Variants in MACF1 observed in about 807,000 individuals in gnomAD.
The protein encoded by MACF1 is microtubule actin crosslinking factor 1.
In MACF1, 193 loss-of-function variants were observed where a neutral mutation model predicts 854.8. The observed-to-expected ratio is 0.23, with a 90% CI of 0.20 to 0.25. The LOEUF is 0.25. Ranked by LOEUF, MACF1 falls within the 10% of genes least tolerant of loss-of-function variation. The pLI is 1.00. For missense variants in MACF1, 7,722 were observed against 8,929.1 expected, an observed-to-expected ratio of 0.86 and a Z score of 5.45; for synonymous variants, 3,185 against 3,226.7, an observed-to-expected ratio of 0.99 and a Z score of 0.44.
intron 74 of MACF1, 68 bp from the exon 75 acceptor site, chr1:39,441,884 G>C: frequency 8.7e-7 from 1 of 1,146,962 alleles, no homozygotes; most frequent in Non-Finnish European, 1.3e-6. Context: ...TATGTTAGCA[G>C]AGATAATGCT....
intron 2 of MACF1, among the ~76,000 whole-genome samples, chr1:39,186,766 C>T (rs1352234291): frequency 2.0e-5 from 3 of 151,080 alleles, no homozygotes; most frequent in Non-Finnish European, 4.4e-5. Context: ...TACCACTGCG[C>T]CTGGCTAATT....
At chr1:39,376,767 G>GT (rs1304629020) in intron 52 of MACF1, among the ~76,000 whole-genome samples, 2 of 151,982 alleles carry the variant, frequency 1.3e-5, no homozygotes, top group East Asian at 3.9e-4. Context: ...CCAGGCTGGA[G>GT]TACGGTAGTG....
At chr1:39,229,974 C>T (rs1001328087) in intron 1 of MACF1, among the ~76,000 whole-genome samples, 12 of 152,136 alleles carry the variant, frequency 7.9e-5, no homozygotes, top group Admixed American at 7.2e-4. Flanking sequence ...AACTCTTGAG[C>T]TCAAGTGATC....
At chr1:39,440,102 TTTTCTTTTC>T (rs1357992601) in intron 72 of MACF1, among the ~76,000 whole-genome samples, 181 of 98,410 alleles carry the variant, frequency 1.8e-3, no homozygotes, top group Middle Eastern at 5.6e-3. Context: ...TTTTCTTTTC[TTTTCTTTTC>T]TTTTTTTTTT....
chr1:39,326,168 A>G (rs189760583), intron 35 of MACF1, among the ~76,000 whole-genome samples: 10 of 152,314 alleles, frequency 6.6e-5, no homozygotes, highest in African/African-American at 2.4e-4. Context: ...AAATGGAGGC[A>G]TTAAGGAAGG....
At position 39,409,120 on chromosome 1, in the gene MACF1, G is replaced by A. The variant is rs1174445769; in HGVS notation, c.15817-13254G>A. Among the ~76,000 whole-genome samples the A allele has an allele frequency of 2.0e-5, 3 of 151,986 alleles. No homozygotes were observed. The East Asian group carries it at 5.8e-4, about 29-fold the overall frequency. On this transcript the variant is annotated intron_variant, in intron 58 of 100. Coordinates refer to ENST00000564288, the MANE Select transcript of MACF1 (RefSeq NM_001394062.1). The surrounding 1 kb of genome is among the most constrained non-coding windows in gnomAD (Gnocchi z 4.2). ...AGCTAGCGGGTCGCGCTGCGCGGGG[G>A]AGGAGGACTCGCCCCCCGCCCGACC...
intron 99 of MACF1, among the ~76,000 whole-genome samples, chr1:39,482,239 G>A (rs1645024114): frequency 6.6e-6 from 1 of 152,216 alleles, no homozygotes; most frequent in Admixed American, 6.5e-5. Context: ...TGGTCTTCCA[G>A]CAGCAGTGCG....
chr1:39,211,920 TA>T (rs1324912765), intron 1 of MACF1, among the ~76,000 whole-genome samples: 1 of 151,300 alleles, frequency 6.6e-6, no homozygotes, highest in Non-Finnish European at 1.5e-5. Context: ...CAGAGGTATA[TA>T]AAAAGTAGGT....
At chr1:39,197,494 A>G (rs1463755669) in intron 2 of MACF1, among the ~76,000 whole-genome samples, 1 of 152,214 alleles carries the variant, frequency 6.6e-6, no homozygotes, top group Non-Finnish European at 1.5e-5. Flanking sequence ...TGATGCCAGA[A>G]GCTCCTATAA....
chr1:39,388,674 G>GT lies in MACF1; in HGVS notation c.15816+21dup. 6.6e-7 allele frequency: 1 copy of GT among 1,521,658 alleles called. No homozygotes were observed. The highest frequency in any genetic ancestry group is 8.8e-7 in the Non-Finnish European group (1 of 1,140,742). The allele number at this position is 1,521,658 out of a possible 1,614,324, so 94.3% of individuals were successfully genotyped here. On this transcript the variant is annotated intron_variant, in intron 58 of 100. Transcript: ENST00000564288. The stretch of plus-strand genomic sequence containing the variant: ...AGATTTTAAAGTAAGTCTGAACCTT[G>GT]TTTTTCTTTTTCTTTTACATGTATT...
intron 50 of MACF1, 78 bp downstream of exon 50, chr1:39,368,392 C>A: frequency 7.0e-7 from 1 of 1,420,634 alleles, no homozygotes; most frequent in Admixed American, 1.9e-5. Context: ...TTTCTCTTTT[C>A]TTCCTTTACC....
In MACF1 at chr1:39,084,607, G is replaced by A. The variant is rs562646955; in HGVS notation, c.220+169G>A. On this transcript the variant is annotated intron_variant, in intron 2 of 93. Coordinates refer to the MACF1 transcript ENST00000361689. The surrounding 1 kb of genome is among the most constrained non-coding windows in gnomAD (Gnocchi z 5.2). ...GGAAAGACGTTGAAATAACATTAACGAAAAACTCAAAAGAGGAAAATCTGC... is the reference window on the plus strand; with the variant it reads ...GGAAAGACGTTGAAATAACATTAACAAAAAACTCAAAAGAGGAAAATCTGC... Among the ~76,000 whole-genome samples the A allele has an allele frequency of 3.9e-5, 6 of 152,074 alleles. No individual in the cohort carries two copies. The highest frequency in any genetic ancestry group is 1.9e-4 in the East Asian group (1 of 5,190).
rs1200772539 is a variant in MACF1 at position 39,353,196 on chromosome 1, C to G, written c.11389C>G (p.Pro3797Ala). ...TDGYMGVNQA[P>A]EKLDKQCEMM... ...TGGTTACATGGGGGTGAATCAAGCC[C>G]CAGAGAAACTGGACAAGCAATGTGA... The change falls in exon 44 of 101, where the codon CCA (proline) becomes GCA (alanine). Residue 3797 changes from proline to alanine, a missense_variant. By Grantham distance (27) the Pro-to-Ala change is conservative. Transcript: ENST00000564288. 1 of 1,608,742 alleles carries G rather than the reference C, an allele frequency of 6.2e-7. No individual in the cohort carries two copies. Among genetic ancestry groups the G allele is most frequent in the Non-Finnish European group, 8.5e-7 (1 of 1,175,560 alleles).
rs770801534 is a variant in MACF1, at chr1:39,387,597, A to C, written c.14755A>C (p.Ile4919Leu). 4 of 1,614,202 alleles carry C rather than the reference A, an allele frequency of 2.5e-6. No individual in the cohort carries two copies. Among genetic ancestry groups the C allele is most frequent in the Non-Finnish European group, 3.4e-6 (4 of 1,180,038 alleles). ...GCATGTGGAAGACCTTGTGCCATGG[A>C]TAGAAGATTGTAAAGCTAAGATGTC... is the stretch of plus-strand genomic sequence containing the variant. Reference protein sequence around the residue: ...QWHVEDLVPWIEDCKAKMSEL... With the variant: ...QWHVEDLVPWLEDCKAKMSEL... The change falls in exon 58 of 101, where the codon ATA becomes CTA. Residue 4919 changes from isoleucine (I) to leucine (L), a missense_variant. Physicochemically the swap from Ile to Leu is conservative, Grantham distance 5. This residue lies in a region of MACF1 where 2,807 missense variants were observed against 3,235.8 expected (regional missense o/e 0.87). Coordinates refer to ENST00000564288, the MANE Select transcript of MACF1 (RefSeq NM_001394062.1).
intron 6 of MACF1, among the ~76,000 whole-genome samples, chr1:39,264,874 C>T (rs1303566951): frequency 6.6e-6 from 1 of 151,494 alleles, no homozygotes; most frequent in African/African-American, 2.4e-5. Context: ...CGGGGTTTCA[C>T]CTTGTTAGCC....
chr1:39,152,460 A>G (rs1225532001), intron 2 of MACF1, among the ~76,000 whole-genome samples: 1 of 152,230 alleles, frequency 6.6e-6, no homozygotes, highest in African/African-American at 2.4e-5. Flanking sequence ...CATATAGACA[A>G]GTACAGAAAA....
intron 2 of MACF1, among the ~76,000 whole-genome samples, chr1:39,104,009 T>G (rs1163400253): frequency 6.6e-6 from 1 of 152,234 alleles, no homozygotes; most frequent in Non-Finnish European, 1.5e-5. Flanking sequence ...GTTAAGAAGT[T>G]TCTCCTTCAA....
chr1:39,474,443 C>G (rs1356598653), intron 97 of MACF1, among the ~76,000 whole-genome samples: 1 of 151,830 alleles, frequency 6.6e-6, no homozygotes, highest in Non-Finnish European at 1.5e-5. Context: ...CACCTGTAAT[C>G]CTAGCACTCT....
At chr1:39,149,735 C>CGATAT (rs3078353) in intron 2 of MACF1, among the ~76,000 whole-genome samples, 96,330 of 150,770 alleles carry the variant, frequency 0.64, 31,199 homozygotes, top group South Asian at 0.75. Context: ...CATCCCAGCC[C>CGATAT]GATATTTAAA....
Sources: allele counts gnomAD v4.1 joint callset (sites outside exome capture counted in the v4.1 genomes callset), GRCh38; gene constraint gnomAD v4.1.1; regional missense constraint gnomAD v4.1.1; non-coding constraint Gnocchi (gnomAD v3.1); transcripts MANE v1.5; gene names NCBI Gene and HGNC (gene_info 2026-07-23, HGNC 2026-07-21).